FBXL14: variants seen among roughly 807,000 people sequenced by gnomAD.
FBXL14 encodes F-box/LRR-repeat protein 14.
Under a neutral mutation model 24.5 loss-of-function variants are expected in FBXL14, and 11 were observed. The observed-to-expected ratio is 0.45, with a 90% confidence interval of 0.28 to 0.74. The LOEUF (loss-of-function observed/expected upper bound fraction) is 0.74. FBXL14 is among the 30% of genes least tolerant of loss of function. FBXL14 has a pLI of 0.12. For synonymous variants in FBXL14, 294 were observed against 240.4 expected (o/e 1.22, Z -2.06); for missense variants, 384 against 545.6 (o/e 0.70, Z 2.95).
intron 1 of FBXL14, among the ~76,000 whole-genome samples, chr12:1,577,413 T>C (rs1470647804): frequency 1.1e-5 from 1 of 90,482 alleles, no homozygotes; most frequent in Admixed American, 1.1e-4. Context: ...CTGGAGGAAT[T>C]TTAAATAAGG....
At chr12:1,587,669 G>A (rs1482817787) in intron 1 of FBXL14, 2 of 152,174 alleles carry the variant, frequency 1.3e-5, no homozygotes, top group Non-Finnish European at 2.9e-5. Context: ...ACTTCATTAA[G>A]TAAATTATTA....
chr12:1,569,174 T>C lies in FBXL14; in HGVS notation c.1195-2364A>G, dbSNP rs929080729. 6.6e-6 allele frequency among the ~76,000 whole-genome samples: 1 copy of C among 152,130 alleles called. No homozygotes were observed. The highest frequency in any genetic ancestry group is 1.5e-5 in the Non-Finnish European group (1 of 68,018). ...TTTATATAATCAATGCTTGTTTTGC[T>C]TCTCTTTTTTCTCCTTTTCATTTTC... On this transcript the variant is annotated intron_variant, in intron 1 of 1. Coordinates refer to ENST00000339235, the MANE Select transcript of FBXL14 (RefSeq NM_152441.3). This position sits in a 1 kb window ranked among gnomAD's most constrained non-coding sequence, Gnocchi z 4.2.
intron 1 of FBXL14, among the ~76,000 whole-genome samples, chr12:1,577,448 G>A (rs2094458106): frequency 6.6e-6 from 1 of 151,820 alleles, no homozygotes. Context: ...AAGGACTTAT[G>A]TATTATTTTA....
At chr12:1,575,450 G>A (rs759885552) in intron 1 of FBXL14, among the ~76,000 whole-genome samples, 11 of 152,042 alleles carry the variant, frequency 7.2e-5, no homozygotes, top group Non-Finnish European at 1.2e-4. Context: ...GCATCCCTGG[G>A]GTTAATGGTT....
intron 1 of FBXL14, among the ~76,000 whole-genome samples, chr12:1,576,699 A>G (rs1385099301): frequency 6.6e-6 from 1 of 151,072 alleles, no homozygotes; most frequent in East Asian, 1.9e-4. Flanking sequence ...TCCCAGTAAA[A>G]CCCCACTTCT....
rs985965513 is a variant in FBXL14 at position 1,571,208 on chromosome 12, G to T, written c.1195-4398C>A. 4.0e-5 allele frequency among the ~76,000 whole-genome samples: 6 copies of T among 150,916 alleles called. 1 individual carries two copies. Among genetic ancestry groups the T allele is most frequent in the African/African-American group, 1.5e-4 (6 of 41,164 alleles). ...TTTTCTGGTGGGGTTTTTTTTGTTT[G>T]TTTGTTTTGTTTTTTTGAGACAGAG... On this transcript the variant is annotated intron_variant, in intron 1 of 1. Transcript: ENST00000339235.
chr12:1,592,714 G>C (rs61912226), intron 1 of FBXL14, among the ~76,000 whole-genome samples, 159 bp downstream of exon 1: 2 of 152,232 alleles, frequency 1.3e-5, no homozygotes, highest in Non-Finnish European at 2.9e-5. Context: ...GGGGGCTGGA[G>C]GAGGGAGGAG....
chr12:1,586,266 G>GA (rs1350093755), intron 1 of FBXL14, among the ~76,000 whole-genome samples: 3 of 150,570 alleles, frequency 2.0e-5, no homozygotes, highest in African/African-American at 7.4e-5. Context: ...GGCTGAGGTA[G>GA]AAAGATCCCT....
Position 1,579,048 on chromosome 12 carries a change from G to A in FBXL14, c.1195-12238C>T, listed in dbSNP as rs2094461270. On this transcript the variant is annotated intron_variant, in intron 1 of 1. Transcript: ENST00000339235. This position sits in a 1 kb window ranked among gnomAD's most constrained non-coding sequence, Gnocchi z 4.3. ...CGAGCCTGTCATTATCTGGGGAGGGGGCTCCAGATAACACACTTCTACTTG... is the reference window on the plus strand; with the variant it reads ...CGAGCCTGTCATTATCTGGGGAGGGAGCTCCAGATAACACACTTCTACTTG... Among the ~76,000 whole-genome samples, 2 of 151,920 alleles carry A rather than the reference G, an allele frequency of 1.3e-5. No homozygotes were observed. Among genetic ancestry groups the A allele is most frequent in the Admixed American group, 1.3e-4 (2 of 15,218 alleles).
intron 1 of FBXL14, among the ~76,000 whole-genome samples, chr12:1,577,002 T>A (rs1450684033): frequency 1.3e-5 from 2 of 152,262 alleles, no homozygotes; most frequent in African/African-American, 4.8e-5. Context: ...TTATGGGCTC[T>A]TAAAGTCGTC....
At chr12:1,578,739 A>C (rs1349355341) in intron 1 of FBXL14, among the ~76,000 whole-genome samples, 1 of 152,150 alleles carries the variant, frequency 6.6e-6, no homozygotes, top group Non-Finnish European at 1.5e-5. Flanking sequence ...GATGATAAGC[A>C]AAGAACTAAG....
Position 1,567,663 on chromosome 12 carries a change from G to A in FBXL14, c.1195-853C>T, listed in dbSNP as rs551307839. Among the ~76,000 whole-genome samples, 7 of 152,314 alleles carry A rather than the reference G, an allele frequency of 4.6e-5. No homozygotes were observed. The highest frequency in any genetic ancestry group is 1.7e-4 in the African/African-American group (7 of 41,560). On this transcript the variant is annotated intron_variant, in intron 1 of 1. Coordinates refer to ENST00000339235, the MANE Select transcript of FBXL14 (RefSeq NM_152441.3). This position sits in a 1 kb window ranked among gnomAD's most constrained non-coding sequence, Gnocchi z 4.8. ...CTGTAATGGATAAAGTAGGCAGCAT[G>A]CAGGAACAGGTGCGCAATGAAAGCA... is the stretch of plus-strand genomic sequence containing the variant.
chr12:1,568,583 A>G (rs753223126), intron 1 of FBXL14, among the ~76,000 whole-genome samples: 1 of 152,310 alleles, frequency 6.6e-6, no homozygotes, highest in African/African-American at 2.4e-5. Flanking sequence ...ACCCTTAGAT[A>G]TATACTTATG....
In FBXL14 at chr12:1,566,433, GT is replaced by G. The variant is rs1238010188; in HGVS notation, c.*314del. ...ATAAAATTAAAGTGTGGAACTTGTA[GT>G]TTCCTGTCGAAGAAGCTTGCAAATT... On this transcript the variant is annotated 3_prime_UTR_variant, in exon 2 of 2. Transcript: ENST00000339235. The G allele has an allele frequency of 6.8e-5, 19 of 277,636 alleles. No individual in the cohort carries two copies. Among genetic ancestry groups the G allele is most frequent in the African/African-American group, 4.2e-4 (19 of 45,704 alleles). 17.2% of individuals were successfully genotyped at this position (277,636 alleles called of 1,614,324 possible).
intron 1 of FBXL14, among the ~76,000 whole-genome samples, chr12:1,576,049 T>G (rs1424351711): frequency 6.6e-6 from 1 of 152,244 alleles, no homozygotes; most frequent in Admixed American, 6.5e-5. Context: ...CTGTTTACAC[T>G]TAACTAGCCT....
intron 1 of FBXL14, among the ~76,000 whole-genome samples, chr12:1,583,543 G>A (rs12423687): frequency 1.2e-3 from 176 of 152,252 alleles, no homozygotes; most frequent in African/African-American, 2.8e-3. Flanking sequence ...CAACTCTTAC[G>A]CCTGGAGGAA....
intron 1 of FBXL14, chr12:1,574,852 C>T (rs1046240511): frequency 6.6e-6 from 1 of 151,846 alleles, no homozygotes; most frequent in Non-Finnish European, 1.5e-5. Context: ...GTGAGTATTA[C>T]TGTGGCTATT....
Position 1,587,032 on chromosome 12 carries a change from G to C in FBXL14, c.1194+5841C>G, listed in dbSNP as rs1227015710. On this transcript the variant is annotated intron_variant, in intron 1 of 1. Transcript: ENST00000339235. ...GCGGGCGGATCACTTGAGGTCGGGA[G>C]TTTGAGACCAGCCTGACCAACATGG... Among the ~76,000 whole-genome samples the C allele has an allele frequency of 2.0e-5, 3 of 152,186 alleles. No individual in the cohort carries two copies. In the East Asian group the frequency reaches 5.8e-4, roughly 29 times the overall value.
intron 1 of FBXL14, among the ~76,000 whole-genome samples, chr12:1,591,973 T>C (rs1325628260): frequency 1.3e-5 from 2 of 151,846 alleles, no homozygotes; most frequent in South Asian, 4.1e-4. Context: ...CAAATCCCAA[T>C]GAACAAGGAG....
Sources: gnomAD v4.1 joint callset for allele counts (sites outside exome capture counted in the v4.1 genomes callset) on GRCh38, gnomAD v4.1.1 for gene constraint, Gnocchi (gnomAD v3.1) non-coding constraint, MANE v1.5 for transcripts, NCBI Gene and HGNC (gene_info 2026-07-23, HGNC 2026-07-21) for gene names.